MAST4: variants seen among roughly 807,000 people sequenced by gnomAD.
MAST4 encodes the protein microtubule-associated serine/threonine-protein kinase 4.
Under a neutral mutation model 162.7 loss-of-function variants are expected in MAST4, and 89 were observed. That is an observed-to-expected ratio of 0.55 (90% CI 0.46 to 0.65). The LOEUF (loss-of-function observed/expected upper bound fraction) is 0.65. Among genes scored for constraint, MAST4 ranks in the 30% least tolerant of loss-of-function variants. The pLI is 0.00. For missense variants in MAST4, 3,153 were observed against 3,374.0 expected, an observed-to-expected ratio of 0.93 and a Z score of 1.62; for synonymous variants, 1,479 against 1,361.1, an observed-to-expected ratio of 1.09 and a Z score of -1.91.
intron 1 of MAST4, among the ~76,000 whole-genome samples, chr5:66,654,579 G>A (rs1746430301): frequency 6.6e-6 from 1 of 152,184 alleles, no homozygotes. Context: ...AGATTTAACT[G>A]TTGAAGTTTC....
intron 4 of MAST4, among the ~76,000 whole-genome samples, chr5:66,965,809 T>C (rs1339450990): frequency 6.6e-6 from 1 of 152,162 alleles, no homozygotes; most frequent in African/African-American, 2.4e-5. Context: ...AAGTTTGACT[T>C]TCATTTTGTA....
chr5:66,685,314 C>A (rs925386679), intron 1 of MAST4, among the ~76,000 whole-genome samples: 1 of 133,608 alleles, frequency 7.5e-6, no homozygotes, highest in Admixed American at 7.3e-5. Context: ...AACCACACAC[C>A]CCAAAAACCC....
Position 67,090,154 on chromosome 5 carries a change from T to G in MAST4, c.764-8T>G. 1 of 1,597,134 alleles carries G rather than the reference T, an allele frequency of 6.3e-7. No individual in the cohort carries two copies. The highest frequency in any genetic ancestry group is 8.6e-7 in the Non-Finnish European group (1 of 1,165,608). On this transcript the variant is annotated splice_region_variant and splice_polypyrimidine_tract_variant and intron_variant, in intron 5 of 28. Transcript: ENST00000403625. ...TGTAGTAAATTTCTCTCTTTTCTCT[T>G]TCTCTAGGAAATAGCCCTCAAGATA...
chr5:67,015,659 T>C (rs942399285), intron 4 of MAST4, among the ~76,000 whole-genome samples: 4 of 152,202 alleles, frequency 2.6e-5, no homozygotes, highest in Non-Finnish European at 5.9e-5. Context: ...TCAGTTCCTT[T>C]TCTTTGGCTG....
At chr5:66,912,546 A>G (rs918664673) in intron 4 of MAST4, among the ~76,000 whole-genome samples, 1 of 152,176 alleles carries the variant, frequency 6.6e-6, no homozygotes, top group Admixed American at 6.5e-5. Context: ...ATCAGTACAC[A>G]GTTTTCATGT....
At chr5:66,806,218 C>G (rs7725168) in intron 3 of MAST4, among the ~76,000 whole-genome samples, 7,285 of 152,274 alleles carry the variant, frequency 0.048, 259 homozygotes, top group South Asian at 0.13. Flanking sequence ...TTCCCCTCAT[C>G]CATCAAGCCT....
At chr5:66,788,118 G>A (rs989751651) in intron 2 of MAST4, among the ~76,000 whole-genome samples, 1 of 152,172 alleles carries the variant, frequency 6.6e-6, no homozygotes, top group Non-Finnish European at 1.5e-5. Context: ...TTATGCAAAT[G>A]GATATGATTA....
chr5:66,888,521 A>G (rs1330774377), intron 3 of MAST4, among the ~76,000 whole-genome samples: 1 of 152,240 alleles, frequency 6.6e-6, no homozygotes, highest in Non-Finnish European at 1.5e-5. Flanking sequence ...AGTCTCATCC[A>G]ATTCTGTCTC....
At chr5:66,765,423 T>C (rs1283369776) in intron 2 of MAST4, among the ~76,000 whole-genome samples, 1 of 152,190 alleles carries the variant, frequency 6.6e-6, no homozygotes, top group Non-Finnish European at 1.5e-5. Flanking sequence ...CCTAATACAA[T>C]GTAAATATTA....
At chr5:66,939,023 A>G (rs566415471) in intron 4 of MAST4, among the ~76,000 whole-genome samples, 1 of 152,348 alleles carries the variant, frequency 6.6e-6, no homozygotes, top group African/African-American at 2.4e-5. Flanking sequence ...GACAGTAGAC[A>G]GACAATATAA....
chr5:66,855,686 G>A (rs550379831), intron 3 of MAST4, among the ~76,000 whole-genome samples: 1 of 152,252 alleles, frequency 6.6e-6, no homozygotes, highest in South Asian at 2.1e-4. Flanking sequence ...AAACACTCTG[G>A]AATTGGCTAC....
intron 3 of MAST4, among the ~76,000 whole-genome samples, chr5:66,871,742 C>T (rs950148642): frequency 4.6e-5 from 7 of 152,136 alleles, no homozygotes; most frequent in East Asian, 1.9e-4. Flanking sequence ...TGTCAACTTT[C>T]GAGAGGCAGG....
intron 1 of MAST4, among the ~76,000 whole-genome samples, chr5:66,642,349 A>G (rs1245767876): frequency 6.6e-6 from 1 of 152,256 alleles, no homozygotes; most frequent in Non-Finnish European, 1.5e-5. Context: ...AGGAACCTCA[A>G]CATTATAAAA....
Position 66,844,643 on chromosome 5 carries a change from G to C in MAST4, c.643-55308G>C, listed in dbSNP as rs138258259. On this transcript the variant is annotated intron_variant, in intron 3 of 28. Transcript: ENST00000403625. ...CCGGGAGCTTATGGCCAGAAGTGGA[G>C]ATGGCAGACTGGTAACTAGACAATG... is the stretch of plus-strand genomic sequence containing the variant. Among the ~76,000 whole-genome samples the C allele has an allele frequency of 1.4e-4, 22 of 152,224 alleles. No individual in the cohort carries two copies. In the East Asian group the frequency reaches 3.9e-3, roughly 27 times the overall value.
intron 5 of MAST4, among the ~76,000 whole-genome samples, chr5:67,086,649 C>G (rs954047225): frequency 6.6e-6 from 1 of 152,218 alleles, no homozygotes; most frequent in Non-Finnish European, 1.5e-5. Context: ...TCCCTGGGAG[C>G]AGCAGGATTT....
At chr5:66,713,272 C>T (rs1490418970) in intron 1 of MAST4, among the ~76,000 whole-genome samples, 1 of 152,190 alleles carries the variant, frequency 6.6e-6, no homozygotes, top group African/African-American at 2.4e-5. Flanking sequence ...TCTCCTTCCT[C>T]AAACAGCCCT....
chr5:66,727,844 T>C (rs1751615497), intron 1 of MAST4, among the ~76,000 whole-genome samples: 1 of 152,126 alleles, frequency 6.6e-6, no homozygotes, highest in Admixed American at 6.6e-5. Context: ...AGTGACTACT[T>C]GGTGTTGCCT....
At position 67,150,444 on chromosome 5, in the gene MAST4, G is replaced by T. The variant is rs181247553; in HGVS notation, c.3295+855G>T. 8.5e-3 allele frequency among the ~76,000 whole-genome samples: 1,287 copies of T among 152,304 alleles called. 4 individuals carry two copies. Among genetic ancestry groups the T allele is most frequent in the South Asian group, 0.014 (68 of 4,820 alleles). ...ATTTGACATAAACAAATGCTCATTT[G>T]GGAGTAGTGCTCAATCTAGCAGATT... On this transcript the variant is annotated intron_variant, in intron 24 of 28. Coordinates refer to ENST00000403625, the MANE Select transcript of MAST4 (RefSeq NM_001164664.2).
At position 67,167,397 on chromosome 5, in the gene MAST4, G is replaced by A. The variant is rs1055316694; in HGVS notation, c.*346G>A. 2.6e-5 allele frequency: 5 copies of A among 194,052 alleles called. No individual in the cohort carries two copies. The highest frequency in any genetic ancestry group is 1.2e-4 in the East Asian group (1 of 8,594). 12.0% of individuals were successfully genotyped at this position (194,052 alleles called of 1,614,324 possible). ...GAGTCTATACCTGGCTGCTGATTGC[G>A]TCGTTTACTACAGCTTTTTTTAAAT... On this transcript the variant is annotated 3_prime_UTR_variant, in exon 29 of 29. Coordinates refer to ENST00000403625, the MANE Select transcript of MAST4 (RefSeq NM_001164664.2).
Sources: allele counts gnomAD v4.1 joint callset (sites outside exome capture counted in the v4.1 genomes callset), GRCh38; gene constraint gnomAD v4.1.1; transcripts MANE v1.5; gene names NCBI Gene and HGNC (gene_info 2026-07-23, HGNC 2026-07-21).